Variants in NTRK2 observed in about 807,000 individuals in gnomAD.
NTRK2 encodes the protein BDNF/NT-3 growth factors receptor.
NTRK2 carries 13 observed loss-of-function variants against 94.5 expected under a neutral mutation model. That is an observed-to-expected ratio of 0.14 (90% confidence interval 0.09 to 0.22). NTRK2 has a LOEUF of 0.22. Among genes scored for constraint, NTRK2 ranks in the 10% least tolerant of loss-of-function variants. NTRK2 has a pLI of 1.00. For synonymous variants in NTRK2, 372 were observed against 407.4 expected (o/e 0.91, Z 1.05); for missense variants, 639 against 1,071.2 (o/e 0.60, Z 5.63).
At chr9:84,888,834 C>G (rs1414100499) in intron 14 of NTRK2, among the ~76,000 whole-genome samples, 1 of 151,660 alleles carries the variant, frequency 6.6e-6, no homozygotes, top group African/African-American at 2.4e-5. Context: ...CCTGCTTCAA[C>G]CCATAATAGC....
In NTRK2 at chr9:84,922,484, C is replaced by T. The variant is rs376604430; in HGVS notation, c.1634-11678C>T. On this transcript the variant is annotated intron_variant, in intron 14 of 18. Coordinates refer to ENST00000277120, the MANE Select transcript of NTRK2 (RefSeq NM_006180.6). ...ACTTATCTCATCTCTCTGTTAGACT[C>T]TCCATCTTTTGAGCAAAAGAATCAT... 7.4e-4 allele frequency among the ~76,000 whole-genome samples: 113 copies of T among 152,342 alleles called. 4 individuals are homozygous for T. In the South Asian group the frequency reaches 0.023, roughly 31 times the overall value.
At chr9:84,883,191 G>A (rs1013690921) in intron 14 of NTRK2, among the ~76,000 whole-genome samples, 2 of 152,234 alleles carry the variant, frequency 1.3e-5, no homozygotes, top group East Asian at 1.9e-4. Context: ...TAGGATAAAT[G>A]TAAGAGTTTG....
chr9:85,022,714 A>G lies in NTRK2; in HGVS notation c.*1277A>G, dbSNP rs1832843834. On this transcript the variant is annotated 3_prime_UTR_variant, in exon 19 of 19. Coordinates refer to ENST00000277120, the MANE Select transcript of NTRK2 (RefSeq NM_006180.6). ...CCTGATAGGTAGAGCAGATCCATAA[A>G]AAGGTATGACTTATACAATTAGGGG... 4.3e-6 allele frequency: 1 copy of G among 233,160 alleles called. No homozygotes were observed. The highest frequency in any genetic ancestry group is 1.8e-4 in the South Asian group (1 of 5,536). The allele number at this position is 233,160 out of a possible 1,614,324, so 14.4% of individuals were successfully genotyped here.
intron 12 of NTRK2, chr9:84,811,649 AC>A: frequency 1.9e-6 from 2 of 1,065,336 alleles, no homozygotes; most frequent in Non-Finnish European, 2.3e-6. Flanking sequence ...ATACTGTCAT[AC>A]TGCTGGGTTT....
intron 12 of NTRK2, chr9:84,812,983 G>C (rs2071980363): frequency 9.7e-7 from 1 of 1,034,792 alleles, no homozygotes; most frequent in Non-Finnish European, 1.2e-6. Flanking sequence ...GGGATGATCA[G>C]TAACATAGCT....
In NTRK2 at chr9:85,021,508, C is replaced by T. The variant is rs1564559389; in HGVS notation, c.*71C>T. 38 of 1,510,894 alleles carry T rather than the reference C, an allele frequency of 2.5e-5. No homozygotes were observed. The highest frequency in any genetic ancestry group is 3.5e-5 in the Non-Finnish European group (38 of 1,087,306). 93.6% of individuals were successfully genotyped at this position (1,510,894 alleles called of 1,614,324 possible). ...GGCTGAGAGGATGAACATCTTTTAA[C>T]TGCCGCTGGAGGCCACCAAGCTGCT... On this transcript the variant is annotated 3_prime_UTR_variant, in exon 19 of 19. Transcript: ENST00000277120.
At chr9:84,685,330 A>G (rs1037178451) in intron 2 of NTRK2, among the ~76,000 whole-genome samples, 67 of 150,306 alleles carry the variant, frequency 4.5e-4, no homozygotes, top group African/African-American at 1.6e-3. Flanking sequence ...GTCTATTTAC[A>G]TGCCAGCATT....
intron 17 of NTRK2, among the ~76,000 whole-genome samples, chr9:84,988,397 C>T (rs1828620724): frequency 6.6e-6 from 1 of 152,112 alleles, no homozygotes; most frequent in East Asian, 1.9e-4. Flanking sequence ...GAGTGTGAAT[C>T]AGGATCACCC....
chr9:84,676,358 G>A (rs891083655), intron 2 of NTRK2, among the ~76,000 whole-genome samples: 1 of 152,234 alleles, frequency 6.6e-6, no homozygotes, highest in Non-Finnish European at 1.5e-5. Context: ...TGGTGTCAGA[G>A]TGTTATGTGG....
chr9:84,687,149 A>C (rs1303590144), intron 2 of NTRK2, among the ~76,000 whole-genome samples: 1 of 152,148 alleles, frequency 6.6e-6, no homozygotes, highest in Non-Finnish European at 1.5e-5. Flanking sequence ...CCTGGGCTCA[A>C]GTGATTCACC....
chr9:84,676,790 C>G (rs2059085686), intron 2 of NTRK2, among the ~76,000 whole-genome samples: 1 of 152,078 alleles, frequency 6.6e-6, no homozygotes, highest in Non-Finnish European at 1.5e-5. Context: ...TTGCACCAAC[C>G]TAATAGAACC....
At chr9:84,762,752 T>C (rs2065696733) in intron 12 of NTRK2, among the ~76,000 whole-genome samples, 1 of 152,174 alleles carries the variant, frequency 6.6e-6, no homozygotes, top group Non-Finnish European at 1.5e-5. Flanking sequence ...AGAAAATTAA[T>C]CTCCTACCAC....
At position 84,870,364 on chromosome 9, in the gene NTRK2, T is replaced by TATATATATATAA. The variant is rs1470777504; in HGVS notation, c.1633+2934_1633+2935insTATATATATAAA. Among the ~76,000 whole-genome samples, 138 of 131,646 alleles carry TATATATATATAA rather than the reference T, an allele frequency of 1.0e-3. 2 individuals carry two copies. The highest frequency in any genetic ancestry group is 6.7e-3 in the East Asian group (27 of 4,028). 86.4% of individuals were successfully genotyped at this position (131,646 alleles called of 152,430 possible). On this transcript the variant is annotated intron_variant, in intron 14 of 18. Transcript: ENST00000277120. ...ATATATATATATATATATATATATA[T>TATATATATATAA]AAAACTCTGTCACCCAGGCTGGAGT...
At chr9:84,912,407 C>T (rs2077262482) in intron 14 of NTRK2, among the ~76,000 whole-genome samples, 1 of 151,842 alleles carries the variant, frequency 6.6e-6, no homozygotes, top group African/African-American at 2.4e-5. Flanking sequence ...ATCAGTTTGT[C>T]CTCGTATGGT....
chr9:84,842,037 G>A (rs149719222), intron 12 of NTRK2, among the ~76,000 whole-genome samples: 19 of 152,260 alleles, frequency 1.2e-4, no homozygotes, highest in African/African-American at 4.3e-4. Flanking sequence ...GCAACCAGTG[G>A]AACTATTCAC....
chr9:84,938,366 G>A (rs1587988509), intron 15 of NTRK2, among the ~76,000 whole-genome samples: 1 of 152,146 alleles, frequency 6.6e-6, no homozygotes, highest in South Asian at 2.1e-4. Flanking sequence ...TGTCGGGATG[G>A]CCCCTACCCA....
chr9:84,693,679 G>A (rs994312006), intron 2 of NTRK2, among the ~76,000 whole-genome samples: 11 of 152,092 alleles, frequency 7.2e-5, no homozygotes, highest in Non-Finnish European at 1.3e-4. Flanking sequence ...TGTGCAGTCT[G>A]GTTTTCTAAT....
chr9:84,967,272 G>T (rs868209253), intron 17 of NTRK2, among the ~76,000 whole-genome samples: 1 of 152,152 alleles, frequency 6.6e-6, no homozygotes, highest in Non-Finnish European at 1.5e-5. Flanking sequence ...CCCCTGCCCC[G>T]CAACCCCTCT....
At chr9:84,829,421 T>C (rs2073394637) in intron 12 of NTRK2, among the ~76,000 whole-genome samples, 2 of 152,204 alleles carry the variant, frequency 1.3e-5, no homozygotes, top group Admixed American at 1.3e-4. Context: ...ACAAAGCACA[T>C]CTGAGGGCAG....
Sources: gnomAD v4.1 joint callset for allele counts (sites outside exome capture counted in the v4.1 genomes callset) on GRCh38, gnomAD v4.1.1 for gene constraint, MANE v1.5 for transcripts, NCBI Gene and HGNC (gene_info 2026-07-23, HGNC 2026-07-21) for gene names.